The following CARS2 variants were observed in gnomAD, a reference collection of about 807,000 sequenced individuals.
The protein encoded by CARS2 is probable cysteine--tRNA ligase, mitochondrial.
CARS2 carries 52 observed loss-of-function variants against 68.8 expected under a neutral mutation model. The ratio of observed to expected loss-of-function variants is 0.76; its 90% CI spans 0.61 to 0.95. The LOEUF is 0.95. CARS2 is among the 40% of genes least tolerant of loss of function. The probability of loss-of-function intolerance (pLI) is 0.00; values close to 1 mark genes in which losing one functional copy is unlikely to be tolerated. For missense variants in CARS2, 780 were observed against 754.2 expected (o/e 1.03, Z -0.40); for synonymous variants, 314 against 303.6 (o/e 1.03, Z -0.36).
chr13:110,667,390 C>T lies in CARS2; in HGVS notation c.869G>A (p.Cys290Tyr), dbSNP rs1566684045. The T allele has an allele frequency of 6.2e-7, 1 of 1,613,758 alleles. No homozygotes were observed. The highest frequency in any genetic ancestry group is 8.5e-7 in the Non-Finnish European group (1 of 1,179,678). The change falls in exon 8 of 15, where the codon TGC becomes TAC. Residue 290 changes from cysteine to tyrosine, a missense_variant. Cys to Tyr is a radical substitution (Grantham distance 194). Coordinates refer to ENST00000257347, the MANE Select transcript of CARS2 (RefSeq NM_024537.4). The stretch of plus-strand genomic sequence containing the variant: ...CTGCTCGCACTGATGAAAGACTTCG[C>T]ACTGTGCAATTTCGTTTTCATGATG... Reference protein sequence around the residue: ...FPHHENEIAQCEVFHQCEQWG... With the variant: ...FPHHENEIAQYEVFHQCEQWG...
intron 2 of CARS2, among the ~76,000 whole-genome samples, chr13:110,702,835 C>T (rs1308065893): frequency 6.6e-6 from 1 of 152,220 alleles, no homozygotes; most frequent in Non-Finnish European, 1.5e-5. Context: ...CCTCAGCTTG[C>T]TTCTGTGACT....
chr13:110,694,018 G>GT (rs1374936151), intron 3 of CARS2, among the ~76,000 whole-genome samples: 1 of 151,830 alleles, frequency 6.6e-6, no homozygotes, highest in Non-Finnish European at 1.5e-5. Context: ...TAATTTTTCG[G>GT]TTTTTTTGTT....
intron 9 of CARS2, among the ~76,000 whole-genome samples, chr13:110,655,269 G>A (rs1470817946): frequency 2.6e-5 from 4 of 152,106 alleles, no homozygotes; most frequent in Admixed American, 1.3e-4. Flanking sequence ...ATAAAATCAC[G>A]GTGCCTCCCT....
rs746337666 is a variant in CARS2 at position 110,653,671 on chromosome 13, G to T, written c.988-2571C>A. On this transcript the variant is annotated intron_variant, in intron 9 of 14. Transcript: ENST00000257347. This position sits in a 1 kb window ranked among gnomAD's most constrained non-coding sequence, Gnocchi z 5.6. The stretch of plus-strand genomic sequence containing the variant: ...ACAACATTAAAGGCTTATCTTCCCT[G>T]CTCTTGCGGGGGCGGGCGCTACTGC... Among the ~76,000 whole-genome samples the T allele has an allele frequency of 1.4e-4, 22 of 152,218 alleles. No homozygotes were observed. The highest frequency in any genetic ancestry group is 2.4e-4 in the Non-Finnish European group (16 of 68,048).
Position 110,641,902 on chromosome 13 carries a change from TCTCTA to T in CARS2, c.1624-299_1624-295del, listed in dbSNP as rs367742376. Among the ~76,000 whole-genome samples the T allele has an allele frequency of 3.1e-3, 478 of 152,306 alleles. 1 individual carries two copies. Among genetic ancestry groups the T allele is most frequent in the Non-Finnish European group, 3.7e-3 (252 of 68,030 alleles). ...ACCTCATTTTTTATGGGGGTGGGTT[TCTCTA>T]CTCAGAAGCATGGGCAGGGCGCAGT... On this transcript the variant is annotated intron_variant, in intron 14 of 14. Transcript: ENST00000257347.
chr13:110,695,064 C>T (rs2063582195), intron 3 of CARS2, among the ~76,000 whole-genome samples: 1 of 152,108 alleles, frequency 6.6e-6, no homozygotes, highest in Non-Finnish European at 1.5e-5. Context: ...AGGAGGGTTG[C>T]TTGAGCCCAG....
At chr13:110,673,741 G>A (rs1199915108) in intron 7 of CARS2, among the ~76,000 whole-genome samples, 4 of 152,040 alleles carry the variant, frequency 2.6e-5, no homozygotes, top group East Asian at 3.9e-4. Context: ...AAGAAATAAA[G>A]GGTATTCAAT....
In CARS2 at chr13:110,695,866, T is replaced by C. The variant is rs372812297; in HGVS notation, c.393+5572A>G. ...ACAGGTATACACGTGCCATGGTGGT[T>C]TGCTGCACCCATCAACCCGTCATCT... On this transcript the variant is annotated intron_variant, in intron 3 of 14. Transcript: ENST00000257347. Among the ~76,000 whole-genome samples the C allele has an allele frequency of 2.6e-5, 4 of 152,116 alleles. No homozygotes were observed. In the South Asian group the frequency reaches 6.2e-4, roughly 24 times the overall value.
At chr13:110,695,331 C>T (rs9521902) in intron 3 of CARS2, among the ~76,000 whole-genome samples, 77,955 of 151,850 alleles carry the variant, frequency 0.51, 21,779 homozygotes, top group Non-Finnish European at 0.64. Flanking sequence ...AAATATAGTA[C>T]TACTATTTAT....
At chr13:110,642,835 C>T (rs1161813868) in intron 13 of CARS2, 3 of 623,666 alleles carry the variant, frequency 4.8e-6, no homozygotes, top group East Asian at 3.3e-5. Context: ...GGCTTCCAGA[C>T]CTCACGCAAT....
chr13:110,647,341 C>T lies in CARS2; in HGVS notation c.1055-102G>A. ...TTCTGAGGGCACTGCCACCCAGGGA[C>T]CACACGGAGAGCGGGACATGTGGCT... On this transcript the variant is annotated intron_variant, in intron 10 of 14. Transcript: ENST00000257347. 2.8e-6 allele frequency: 4 copies of T among 1,414,764 alleles called. No individual in the cohort carries two copies. The Admixed American group carries it at 6.1e-5, about 21-fold the overall frequency. The allele number at this position is 1,414,764 out of a possible 1,614,324, so 87.6% of individuals were successfully genotyped here.
intron 9 of CARS2, among the ~76,000 whole-genome samples, chr13:110,652,371 A>G (rs1212207024): frequency 1.3e-5 from 2 of 152,254 alleles, no homozygotes; most frequent in Non-Finnish European, 2.9e-5. Flanking sequence ...AACACATGGT[A>G]TTTTATGAGG....
At position 110,642,648 on chromosome 13, in the gene CARS2, G is replaced by T. The variant is rs574591117; in HGVS notation, c.1417-127C>A. On this transcript the variant is annotated intron_variant, in intron 13 of 14. Coordinates refer to ENST00000257347, the MANE Select transcript of CARS2 (RefSeq NM_024537.4). ...TGGGCTTCCCTGATTCCCTGCAGCTGGGCCTCTTTCTGGGTCTGGCAGGGA... is the reference window on the plus strand; with the variant it reads ...TGGGCTTCCCTGATTCCCTGCAGCTTGGCCTCTTTCTGGGTCTGGCAGGGA... 128 of 937,046 alleles carry T rather than the reference G, an allele frequency of 1.4e-4. No homozygotes were observed. In the East Asian group the frequency reaches 2.6e-3, roughly 19 times the overall value. The allele number at this position is 937,046 out of a possible 1,614,324, so 58.0% of individuals were successfully genotyped here.
At chr13:110,704,545 G>A (rs775312144) in intron 2 of CARS2, among the ~76,000 whole-genome samples, 15 of 152,172 alleles carry the variant, frequency 9.9e-5, no homozygotes, top group Non-Finnish European at 2.1e-4. Flanking sequence ...CTGACATGGT[G>A]AAACTCCGTC....
chr13:110,652,471 C>T (rs904926435), intron 9 of CARS2, among the ~76,000 whole-genome samples: 6 of 152,046 alleles, frequency 3.9e-5, no homozygotes, highest in Non-Finnish European at 7.4e-5. Context: ...GTAGAAGGGG[C>T]TGTCCCTGCT....
intron 9 of CARS2, among the ~76,000 whole-genome samples, chr13:110,656,522 G>A (rs1427131260): frequency 1.3e-5 from 2 of 152,138 alleles, no homozygotes; most frequent in East Asian, 1.9e-4. Flanking sequence ...AGCGGCTGTC[G>A]GGGCTGGGAG....
chr13:110,647,301 A>G, intron 10 of CARS2, 62 bp from the exon 11 acceptor site: 1 of 1,567,490 alleles, frequency 6.4e-7, no homozygotes, highest in East Asian at 2.3e-5. Flanking sequence ...GCCCTGGTCC[A>G]GCAGAATCAG....
chr13:110,681,749 G>A (rs1299274756), intron 6 of CARS2, among the ~76,000 whole-genome samples: 2 of 152,214 alleles, frequency 1.3e-5, no homozygotes, highest in Non-Finnish European at 2.9e-5. Flanking sequence ...GTGTTAAAGA[G>A]AAACGAGCTC....
At chr13:110,659,189 A>C (rs1247854628) in intron 9 of CARS2, among the ~76,000 whole-genome samples, 1 of 152,176 alleles carries the variant, frequency 6.6e-6, no homozygotes, top group African/African-American at 2.4e-5. Context: ...ACACAGATAA[A>C]GCCCCTGAAG....
Sources: allele counts gnomAD v4.1 joint callset (sites outside exome capture counted in the v4.1 genomes callset), GRCh38; gene constraint gnomAD v4.1.1; non-coding constraint Gnocchi (gnomAD v3.1); transcripts MANE v1.5; gene names NCBI Gene and HGNC (gene_info 2026-07-23, HGNC 2026-07-21).